MTBP: variants seen among roughly 807,000 people sequenced by gnomAD.
MTBP encodes MDM2 binding protein, also known as mdm2-binding protein.
MTBP carries 101 observed loss-of-function variants against 117.0 expected under a neutral mutation model. The observed-to-expected ratio is 0.86, with a 90% CI of 0.73 to 1.02. The LOEUF (loss-of-function observed/expected upper bound fraction) is 1.02, where lower values mean the gene tolerates loss of function less well. Among genes scored for constraint, MTBP ranks in the 50% least tolerant of loss-of-function variants. The pLI, the probability that MTBP is intolerant of heterozygous loss-of-function variation, is 0.00. For missense variants in MTBP, 970 were observed against 1,030.9 expected, an observed-to-expected ratio of 0.94 and a Z score of 0.81; for synonymous variants, 350 against 351.5, an observed-to-expected ratio of 1.00 and a Z score of 0.05.
chr8:120,484,514 A>T (rs941292305), intron 11 of MTBP, among the ~76,000 whole-genome samples: 1 of 152,152 alleles, frequency 6.6e-6, no homozygotes, highest in Non-Finnish European at 1.5e-5. Flanking sequence ...TATATATTAC[A>T]TTCTATATAC....
chr8:120,461,350 C>T, intron 9 of MTBP, 95 bp downstream of exon 9: 1 of 823,140 alleles, frequency 1.2e-6, no homozygotes, highest in Non-Finnish European at 1.9e-6. Flanking sequence ...TTAGGTATAT[C>T]TTTTTCATTA....
At position 120,517,877 on chromosome 8, in the gene MTBP, C is replaced by T. The variant is rs1482644486; in HGVS notation, c.2273C>T (p.Ser758Phe). The T allele has an allele frequency of 6.2e-7, 1 of 1,611,048 alleles. No individual in the cohort carries two copies. Among genetic ancestry groups the T allele is most frequent in the Admixed American group, 1.7e-5 (1 of 59,800 alleles). Residue 758 changes from serine (S) to phenylalanine (F), a missense_variant, in exon 19 of 22, where the codon TCT (serine) becomes TTT (phenylalanine). Transcript: ENST00000305949. ...KRLVKSESSESLLSQTTGNSN... is the reference protein window; with the variant it reads ...KRLVKSESSEFLLSQTTGNSN... ...CTTGTGAAATCTGAAAGTTCAGAGT[C>T]TCTTCTTTCTCAGACAACTGGTAAT...
chr8:120,509,867 A>T, intron 16 of MTBP, 67 bp from the exon 17 acceptor site: 2 of 1,074,714 alleles, frequency 1.9e-6, no homozygotes, highest in South Asian at 1.5e-5. Flanking sequence ...TTCATTAGAT[A>T]CTTTCTTTAA....
At chr8:120,498,313 G>C (rs1181900704) in intron 14 of MTBP, among the ~76,000 whole-genome samples, 3 of 152,160 alleles carry the variant, frequency 2.0e-5, no homozygotes, top group Admixed American at 1.3e-4. Flanking sequence ...TACCAAAAAA[G>C]ATGTTATTTG....
At chr8:120,486,723 T>C (rs4545141) in intron 11 of MTBP, among the ~76,000 whole-genome samples, 96,408 of 151,882 alleles carry the variant, frequency 0.63, 31,158 homozygotes, top group Non-Finnish European at 0.7. Context: ...TGTCCATCTG[T>C]GTTGGGAATG....
intron 10 of MTBP, among the ~76,000 whole-genome samples, chr8:120,469,906 G>A (rs546606026): frequency 4.5e-4 from 68 of 152,196 alleles, no homozygotes; most frequent in African/African-American, 1.4e-3. Flanking sequence ...AAAAATAATA[G>A]CAACAAAACA....
intron 18 of MTBP, among the ~76,000 whole-genome samples, chr8:120,516,704 T>C (rs1380342283): frequency 1.3e-5 from 2 of 152,070 alleles, no homozygotes; most frequent in Non-Finnish European, 2.9e-5. Context: ...AATATCCAGA[T>C]ACTTGATCAG....
intron 10 of MTBP, among the ~76,000 whole-genome samples, chr8:120,464,246 A>T (rs1477175110): frequency 1.3e-5 from 2 of 151,994 alleles, no homozygotes; most frequent in African/African-American, 4.8e-5. Context: ...CTACTTTAAC[A>T]GTTATTTTGT....
intron 18 of MTBP, 122 bp downstream of exon 18, chr8:120,516,313 G>T: frequency 1.1e-6 from 1 of 882,366 alleles, no homozygotes; most frequent in Non-Finnish European, 1.7e-6. Flanking sequence ...TTTGTTTTAT[G>T]AGCTGTTGAT....
chr8:120,485,072 A>G (rs1201009337), intron 11 of MTBP, among the ~76,000 whole-genome samples: 3 of 152,142 alleles, frequency 2.0e-5, no homozygotes, highest in Non-Finnish European at 4.4e-5. Flanking sequence ...CAGTTGATGG[A>G]CATTTGGGAT....
chr8:120,495,235 G>A (rs1037934163), intron 13 of MTBP, among the ~76,000 whole-genome samples: 12 of 152,028 alleles, frequency 7.9e-5, no homozygotes, highest in East Asian at 7.7e-4. Context: ...ATTTTCCCTC[G>A]GAATTTCAAT....
At chr8:120,507,076 GA>G (rs1002445825) in intron 16 of MTBP, among the ~76,000 whole-genome samples, 1 of 151,996 alleles carries the variant, frequency 6.6e-6, no homozygotes, top group Non-Finnish European at 1.5e-5. Context: ...ACAGGAATAA[GA>G]AAAGCAAACT....
intron 18 of MTBP, 144 bp from the exon 19 acceptor site, chr8:120,517,707 T>C: frequency 3.0e-6 from 2 of 664,352 alleles, no homozygotes; most frequent in South Asian, 2.1e-5. Context: ...TGGTATAATA[T>C]AGTGGTAACA....
chr8:120,461,544 G>T (rs751244475), intron 9 of MTBP, among the ~76,000 whole-genome samples: 6 of 151,918 alleles, frequency 3.9e-5, no homozygotes, highest in Non-Finnish European at 5.9e-5. Context: ...CTATGGATAG[G>T]GCTATGGAAA....
intron 10 of MTBP, among the ~76,000 whole-genome samples, chr8:120,466,484 G>C (rs1813697543): frequency 6.6e-6 from 1 of 151,408 alleles, no homozygotes; most frequent in Non-Finnish European, 1.5e-5. Context: ...CCAAAGTGCT[G>C]GCTTTACAGG....
intron 7 of MTBP, 40 bp from the exon 8 acceptor site, chr8:120,459,175 T>A: frequency 6.5e-7 from 1 of 1,546,486 alleles, no homozygotes; most frequent in Non-Finnish European, 8.8e-7. Flanking sequence ...ATAGCATTAT[T>A]CATGATACTT....
At chr8:120,518,452 A>G (rs1326752298) in intron 19 of MTBP, among the ~76,000 whole-genome samples, 1 of 152,046 alleles carries the variant, frequency 6.6e-6, no homozygotes, top group Non-Finnish European at 1.5e-5. Flanking sequence ...TCAGATTTCA[A>G]TTCAGAACTC....
At chr8:120,455,804 G>A (rs1264402674) in intron 6 of MTBP, among the ~76,000 whole-genome samples, 2 of 151,988 alleles carry the variant, frequency 1.3e-5, no homozygotes, top group Non-Finnish European at 2.9e-5. Flanking sequence ...TATTATTGAT[G>A]CTGTTTTACA....
chr8:120,495,544 CTCTCTCTCTCTT>C (rs1814435316), intron 13 of MTBP, among the ~76,000 whole-genome samples: 2 of 150,830 alleles, frequency 1.3e-5, no homozygotes, highest in African/African-American at 4.9e-5. Flanking sequence ...TCCTCCCATT[CTCTCTCTCTCTT>C]TCTCTCTCTG....
Sources: allele counts gnomAD v4.1 joint callset (sites outside exome capture counted in the v4.1 genomes callset), GRCh38; gene constraint gnomAD v4.1.1; transcripts MANE v1.5; gene names NCBI Gene and HGNC (gene_info 2026-07-23, HGNC 2026-07-21).